The following ATF7IP2 variants were observed in gnomAD, a reference collection of about 807,000 sequenced individuals.
ATF7IP2 encodes activating transcription factor 7-interacting protein 2.
In ATF7IP2, 42 loss-of-function variants were observed where a neutral mutation model predicts 64.2. The observed-to-expected ratio is 0.65, with a 90% CI of 0.51 to 0.85. ATF7IP2 has a LOEUF of 0.85. Among genes scored for constraint, ATF7IP2 ranks in the 40% least tolerant of loss-of-function variants. ATF7IP2 has a pLI of 0.00. For synonymous variants in ATF7IP2, 308 were observed against 272.8 expected, an observed-to-expected ratio of 1.13 and a Z score of -1.27; for missense variants, 933 against 784.2, an observed-to-expected ratio of 1.19 and a Z score of -2.27.
intron 6 of ATF7IP2, among the ~76,000 whole-genome samples, chr16:10,435,538 T>A (rs2048392890): frequency 6.6e-6 from 1 of 152,204 alleles, no homozygotes; most frequent in African/African-American, 2.4e-5. Flanking sequence ...TATTGTGTCT[T>A]CCTTTTGTAT....
intron 3 of ATF7IP2, among the ~76,000 whole-genome samples, chr16:10,425,314 C>T (rs915507346): frequency 6.6e-6 from 1 of 150,924 alleles, no homozygotes; most frequent in Non-Finnish European, 1.5e-5. Flanking sequence ...AAGTGATCCA[C>T]CCGCCTCAGC....
At chr16:10,480,472 T>A (rs763518537) in intron 12 of ATF7IP2, among the ~76,000 whole-genome samples, 3 of 151,964 alleles carry the variant, frequency 2.0e-5, no homozygotes, top group Non-Finnish European at 4.4e-5. Context: ...CCTCATTAGT[T>A]GAGATTTCTT....
At chr16:10,389,656 G>T (rs1050822521) in intron 1 of ATF7IP2, among the ~76,000 whole-genome samples, 3 of 152,186 alleles carry the variant, frequency 2.0e-5, no homozygotes, top group Non-Finnish European at 4.4e-5. Flanking sequence ...AAAATACTGA[G>T]ATTTTAAAAA....
At chr16:10,470,241 C>G (rs1466082489) in intron 9 of ATF7IP2, among the ~76,000 whole-genome samples, 1 of 151,954 alleles carries the variant, frequency 6.6e-6, no homozygotes, top group Non-Finnish European at 1.5e-5. Context: ...TACACACACA[C>G]AAGCAAGAAA....
At chr16:10,422,222 T>A (rs2048000576) in intron 3 of ATF7IP2, among the ~76,000 whole-genome samples, 1 of 152,228 alleles carries the variant, frequency 6.6e-6, no homozygotes, top group Non-Finnish European at 1.5e-5. Context: ...GGCTTATCTG[T>A]TAACCATTTT....
At chr16:10,459,027 A>AAT (rs113743735) in intron 9 of ATF7IP2, among the ~76,000 whole-genome samples, 1 of 150,130 alleles carries the variant, frequency 6.7e-6, no homozygotes, top group African/African-American at 2.5e-5. Flanking sequence ...CTCTACTAAA[A>AAT]AATAATAATA....
chr16:10,400,691 G>T (rs1439228243), intron 1 of ATF7IP2, among the ~76,000 whole-genome samples: 1 of 152,062 alleles, frequency 6.6e-6, no homozygotes, highest in Non-Finnish European at 1.5e-5. Context: ...GTGCGTGTGT[G>T]TGTTTTTTTG....
At chr16:10,399,257 A>G (rs577205244) in intron 1 of ATF7IP2, among the ~76,000 whole-genome samples, 55 of 152,386 alleles carry the variant, frequency 3.6e-4, no homozygotes, top group African/African-American at 1.2e-3. Context: ...TAGTAATACT[A>G]AACTGATCTA....
chr16:10,428,602 A>G (rs1410847562), intron 3 of ATF7IP2, among the ~76,000 whole-genome samples: 2 of 152,130 alleles, frequency 1.3e-5, no homozygotes, highest in African/African-American at 2.4e-5. Context: ...GATGTAGGTA[A>G]TTATAGCCTG....
chr16:10,451,871 G>A (rs745652149), intron 8 of ATF7IP2, among the ~76,000 whole-genome samples: 2 of 151,942 alleles, frequency 1.3e-5, no homozygotes, highest in Non-Finnish European at 2.9e-5. Flanking sequence ...AGCCAACATA[G>A]TGAAACCCCA....
chr16:10,459,454 C>T (rs889305850), intron 9 of ATF7IP2, among the ~76,000 whole-genome samples: 3 of 145,252 alleles, frequency 2.1e-5, no homozygotes, highest in Non-Finnish European at 4.5e-5. Context: ...GGCGACAGAG[C>T]GAGACTCCAT....
At chr16:10,441,013 G>T (rs556472733) in intron 8 of ATF7IP2, among the ~76,000 whole-genome samples, 2 of 152,242 alleles carry the variant, frequency 1.3e-5, no homozygotes, top group East Asian at 3.9e-4. Flanking sequence ...TTGGTTTTCT[G>T]TTCTCGTGTT....
intron 9 of ATF7IP2, among the ~76,000 whole-genome samples, chr16:10,462,590 A>G (rs147209779): frequency 8.2e-4 from 125 of 152,234 alleles, no homozygotes; most frequent in Middle Eastern, 3.4e-3. Context: ...TTTTTCAAAG[A>G]TAAGTCTCTA....
intron 3 of ATF7IP2, among the ~76,000 whole-genome samples, chr16:10,426,913 T>C (rs537413782): frequency 7.2e-5 from 11 of 152,112 alleles, no homozygotes; most frequent in Non-Finnish European, 1.5e-4. Flanking sequence ...AGTACAGTGG[T>C]GTGATCTCGG....
intron 12 of ATF7IP2, among the ~76,000 whole-genome samples, chr16:10,477,799 G>A (rs546524529): frequency 6.6e-6 from 1 of 152,202 alleles, no homozygotes; most frequent in African/African-American, 2.4e-5. Context: ...GGCAACTTCA[G>A]CAAAGTCTCA....
At chr16:10,475,887 A>G (rs1401322201) in intron 12 of ATF7IP2, among the ~76,000 whole-genome samples, 2 of 152,198 alleles carry the variant, frequency 1.3e-5, no homozygotes, top group Non-Finnish European at 2.9e-5. Context: ...AGTCTCAACT[A>G]TGATTACAAG....
In ATF7IP2 at chr16:10,444,042, G is replaced by C. The variant is rs150942476; in HGVS notation, c.1194+3580G>C. ...ATGGTGAGAGTTAGGGGTGGGTTCT[G>C]TGTGTTCTAGAGGGCCAGGGCAAAG... is the stretch of plus-strand genomic sequence containing the variant. On this transcript the variant is annotated intron_variant, in intron 8 of 13. Coordinates refer to ENST00000562102, the MANE Select transcript of ATF7IP2 (RefSeq NM_001393719.1). Among the ~76,000 whole-genome samples, 82 of 152,262 alleles carry C rather than the reference G, an allele frequency of 5.4e-4. 1 individual carries two copies. The highest frequency in any genetic ancestry group is 1.8e-3 in the African/African-American group (76 of 41,550).
intron 3 of ATF7IP2, among the ~76,000 whole-genome samples, chr16:10,423,895 G>C (rs1411895613): frequency 6.6e-6 from 1 of 152,130 alleles, no homozygotes; most frequent in Non-Finnish European, 1.5e-5. Context: ...CTCCAGCGTA[G>C]TTCCATGTTC....
At chr16:10,454,146 C>T (rs1488762626) in intron 8 of ATF7IP2, 1 of 151,750 alleles carries the variant, frequency 6.6e-6, no homozygotes, top group Non-Finnish European at 1.5e-5. Flanking sequence ...CGCGGTGGCT[C>T]ACACCTGTAA....
Sources: gnomAD v4.1 joint callset for allele counts (sites outside exome capture counted in the v4.1 genomes callset) on GRCh38, gnomAD v4.1.1 for gene constraint, MANE v1.5 for transcripts, NCBI Gene and HGNC (gene_info 2026-07-23, HGNC 2026-07-21) for gene names.